The following ELL variants were observed in gnomAD, a reference collection of about 807,000 sequenced individuals.
ELL encodes the protein RNA polymerase II elongation factor ELL.
In ELL, 18 loss-of-function variants were observed where a neutral mutation model predicts 64.0. The ratio of observed to expected loss-of-function variants is 0.28; its 90% CI spans 0.19 to 0.42. ELL has a LOEUF of 0.42. ELL is among the 10% of genes least tolerant of loss of function. The pLI, the probability that ELL is intolerant of heterozygous loss-of-function variation, is 1.00. For missense variants in ELL, 797 were observed against 870.4 expected, an observed-to-expected ratio of 0.92 and a Z score of 1.06; for synonymous variants, 399 against 376.2, an observed-to-expected ratio of 1.06 and a Z score of -0.70.
At chr19:18,486,670 G>A (rs964416084) in intron 1 of ELL, among the ~76,000 whole-genome samples, 3 of 152,112 alleles carry the variant, frequency 2.0e-5, no homozygotes, top group Non-Finnish European at 2.9e-5. Context: ...GGCTCTTACC[G>A]CCTCATCTCA....
intron 1 of ELL, among the ~76,000 whole-genome samples, chr19:18,477,072 G>C (rs777599344): frequency 1.3e-5 from 2 of 152,186 alleles, no homozygotes; most frequent in Admixed American, 6.5e-5. Flanking sequence ...CAGAGATGCC[G>C]ACTGAACAGA....
At chr19:18,451,675 A>G in intron 6 of ELL, 27 bp from the exon 7 acceptor site, 1 of 1,477,566 alleles carries the variant, frequency 6.8e-7, no homozygotes, top group Admixed American at 2.7e-5. Context: ...GGGCTAGGTC[A>G]GAAGGTGCTG....
intron 5 of ELL, among the ~76,000 whole-genome samples, chr19:18,459,948 G>T (rs1022375151): frequency 6.6e-6 from 1 of 152,160 alleles, no homozygotes; most frequent in Non-Finnish European, 1.5e-5. Context: ...TTCCTTCGAC[G>T]GGATTCCCAG....
chr19:18,458,044 C>T (rs1370291028), intron 6 of ELL, among the ~76,000 whole-genome samples, 161 bp downstream of exon 6: 1 of 152,174 alleles, frequency 6.6e-6, no homozygotes, highest in African/African-American at 2.4e-5. Context: ...ACCACGTGGG[C>T]AGTAGGGAGG....
chr19:18,490,923 G>A (rs1226120715), intron 1 of ELL, among the ~76,000 whole-genome samples: 2 of 152,164 alleles, frequency 1.3e-5, no homozygotes, highest in African/African-American at 4.8e-5. Flanking sequence ...ACCACCGGCA[G>A]CAGGTGACAT....
At chr19:18,459,778 G>A (rs572903721) in intron 5 of ELL, among the ~76,000 whole-genome samples, 2 of 148,006 alleles carry the variant, frequency 1.4e-5, no homozygotes, top group East Asian at 2.1e-4. Context: ...CACTTGCCTC[G>A]GCCTCCCAAA....
intron 9 of ELL, 130 bp from the exon 10 acceptor site, chr19:18,446,610 C>A: frequency 1.3e-6 from 2 of 1,490,620 alleles, no homozygotes; most frequent in East Asian, 4.7e-5. Flanking sequence ...GGGCCTGGCC[C>A]AGAAGAGGCT....
chr19:18,520,144 C>T (rs1333986739), intron 1 of ELL, among the ~76,000 whole-genome samples: 1 of 152,172 alleles, frequency 6.6e-6, no homozygotes, highest in Non-Finnish European at 1.5e-5. Flanking sequence ...ACAGGCGGAC[C>T]TTCTGGACTG....
At chr19:18,521,840 C>G (rs1440307038) in intron 1 of ELL, 81 bp downstream of exon 1, 1 of 1,492,882 alleles carries the variant, frequency 6.7e-7, no homozygotes, top group Non-Finnish European at 8.9e-7. Context: ...TCTCCGAGCC[C>G]GGACGCCTCA....
rs866913795 is a variant in ELL, at chr19:18,511,541, G to A, written c.135+10380C>T. On this transcript the variant is annotated intron_variant, in intron 1 of 11. Transcript: ENST00000262809. ...AGGTGGAAGCAACCCAAATGCCCAT[G>A]GACAGAGGAATGGATGAGCACGATG... Among the ~76,000 whole-genome samples, 16 of 152,302 alleles carry A rather than the reference G, an allele frequency of 1.1e-4. No individual in the cohort carries two copies. The South Asian group carries it at 2.7e-3, about 26-fold the overall frequency.
intron 1 of ELL, among the ~76,000 whole-genome samples, chr19:18,518,191 A>AAAC (rs755611079): frequency 5.1e-4 from 71 of 139,248 alleles, no homozygotes; most frequent in African/African-American, 8.1e-4. Flanking sequence ...CTGTCTCAAA[A>AAAC]AACAACAACA....
intron 6 of ELL, among the ~76,000 whole-genome samples, chr19:18,456,253 C>T (rs745338902): frequency 1.3e-5 from 2 of 152,188 alleles, no homozygotes; most frequent in African/African-American, 4.8e-5. Context: ...TTTCAGCCTG[C>T]GGGGGCCGTG....
At chr19:18,464,701 T>C (rs572061008) in intron 4 of ELL, among the ~76,000 whole-genome samples, 52 of 152,236 alleles carry the variant, frequency 3.4e-4, no homozygotes, top group African/African-American at 1.1e-3. Flanking sequence ...CTGAGCCATC[T>C]CCCTCCTCCC....
At chr19:18,487,927 T>C (rs1975453229) in intron 1 of ELL, among the ~76,000 whole-genome samples, 1 of 152,322 alleles carries the variant, frequency 6.6e-6, no homozygotes, top group East Asian at 1.9e-4. Context: ...CATCCAGCTG[T>C]GGTCCCAGCC....
chr19:18,510,529 G>A (rs1235845998), intron 1 of ELL, among the ~76,000 whole-genome samples: 5 of 152,152 alleles, frequency 3.3e-5, no homozygotes, highest in Non-Finnish European at 7.4e-5. Context: ...TCTCACCTGA[G>A]CCCAGGTGAT....
At chr19:18,492,300 C>T (rs1975549657) in intron 1 of ELL, among the ~76,000 whole-genome samples, 1 of 152,232 alleles carries the variant, frequency 6.6e-6, no homozygotes, top group Admixed American at 6.5e-5. Context: ...GACAGCTCCC[C>T]ACTGCCCTAT....
At chr19:18,518,947 T>TA (rs911531939) in intron 1 of ELL, among the ~76,000 whole-genome samples, 16 of 152,172 alleles carry the variant, frequency 1.1e-4, no homozygotes, top group African/African-American at 3.1e-4. Context: ...CAGGAGGGCT[T>TA]CTACCTGGGC....
chr19:18,516,658 A>ACCAGCCCCCCAGGAG (rs1156518828), intron 1 of ELL, among the ~76,000 whole-genome samples: 4 of 152,016 alleles, frequency 2.6e-5, no homozygotes, highest in African/African-American at 9.7e-5. Flanking sequence ...CCAGGCAGGG[A>ACCAGCCCCCCAGGAG]CCAGCCCCCC....
intron 1 of ELL, among the ~76,000 whole-genome samples, chr19:18,513,284 G>A (rs1192030510): frequency 4.6e-5 from 7 of 152,138 alleles, no homozygotes. Context: ...ACAGTGGACT[G>A]GCCTGTACAC....
Sources: gnomAD v4.1 joint callset for allele counts (sites outside exome capture counted in the v4.1 genomes callset) on GRCh38, gnomAD v4.1.1 for gene constraint, MANE v1.5 for transcripts, NCBI Gene and HGNC (gene_info 2026-07-23, HGNC 2026-07-21) for gene names.